TNKS: variants seen among roughly 807,000 people sequenced by gnomAD.
TNKS encodes tankyrase, also known as poly [ADP-ribose] polymerase tankyrase-1.
TNKS carries 72 observed loss-of-function variants against 135.8 expected under a neutral mutation model. That is an observed-to-expected ratio of 0.53 (90% CI 0.44 to 0.64). TNKS has a LOEUF of 0.64. Ranked by LOEUF, TNKS falls within the 30% of genes least tolerant of loss-of-function variation. The pLI, the probability that TNKS is intolerant of heterozygous loss-of-function variation, is 0.00. For synonymous variants in TNKS, 849 were observed against 649.3 expected (o/e 1.31, Z -4.68); for missense variants, 1,769 against 1,674.0 (o/e 1.06, Z -0.99).
intron 3 of TNKS, among the ~76,000 whole-genome samples, chr8:9,621,432 A>T (rs1349675208): frequency 3.3e-5 from 5 of 151,360 alleles, no homozygotes; most frequent in African/African-American, 9.7e-5. Flanking sequence ...TCAGTCTCCC[A>T]AGTAGCTGGG....
Position 9,671,505 on chromosome 8 carries a change from C to G in TNKS, c.995-8446C>G, listed in dbSNP as rs192760784. 1.2e-3 allele frequency among the ~76,000 whole-genome samples: 176 copies of G among 152,276 alleles called. 1 individual carries two copies. Among genetic ancestry groups the G allele is most frequent in the Admixed American group, 2.7e-3 (42 of 15,294 alleles). ...TATACTAAGTAAAAGATACTAGAAT[C>G]AGAAGTTTATATATTCTGTGATTCC... On this transcript the variant is annotated intron_variant, in intron 3 of 26. Coordinates refer to ENST00000310430, the MANE Select transcript of TNKS (RefSeq NM_003747.3).
At chr8:9,576,204 G>A (rs897562738) in intron 1 of TNKS, among the ~76,000 whole-genome samples, 1 of 152,066 alleles carries the variant, frequency 6.6e-6, no homozygotes, top group African/African-American at 2.4e-5. Context: ...CCCAATTCCC[G>A]AGCAAAATTG....
chr8:9,655,232 C>G (rs1801308799), intron 3 of TNKS, among the ~76,000 whole-genome samples: 1 of 152,222 alleles, frequency 6.6e-6, no homozygotes, highest in South Asian at 2.1e-4. Flanking sequence ...AGTAGGTAAA[C>G]AAAGCAGCCC....
At chr8:9,579,528 G>A (rs1455579067) in intron 1 of TNKS, among the ~76,000 whole-genome samples, 1 of 152,062 alleles carries the variant, frequency 6.6e-6, no homozygotes, top group African/African-American at 2.4e-5. Flanking sequence ...GAATGCAGTG[G>A]CGTGGTCTCG....
chr8:9,709,050 T>A (rs1178583641), intron 9 of TNKS, among the ~76,000 whole-genome samples: 1 of 152,180 alleles, frequency 6.6e-6, no homozygotes, highest in Non-Finnish European at 1.5e-5. Context: ...ATTGACACAT[T>A]AAGGCTCAGC....
At chr8:9,654,237 A>T (rs1457299023) in intron 3 of TNKS, among the ~76,000 whole-genome samples, 1 of 152,230 alleles carries the variant, frequency 6.6e-6, no homozygotes, top group Admixed American at 6.5e-5. Flanking sequence ...TACTTGAGAG[A>T]TCACTGGAAG....
intron 11 of TNKS, among the ~76,000 whole-genome samples, chr8:9,714,502 A>T (rs1258651293): frequency 6.6e-6 from 1 of 152,180 alleles, no homozygotes; most frequent in Non-Finnish European, 1.5e-5. Flanking sequence ...TATAAGACAC[A>T]TATCTAATCC....
intron 5 of TNKS, among the ~76,000 whole-genome samples, chr8:9,689,849 C>A (rs1046559712): frequency 2.6e-5 from 4 of 152,154 alleles, no homozygotes. Context: ...TGGACCGATT[C>A]CCTCCTATGT....
chr8:9,684,234 T>C (rs1297351061), intron 5 of TNKS, among the ~76,000 whole-genome samples: 1 of 152,028 alleles, frequency 6.6e-6, no homozygotes, highest in Non-Finnish European at 1.5e-5. Context: ...GATTTTTTGA[T>C]CTTTAATCTC....
chr8:9,561,160 G>A (rs559533742), intron 1 of TNKS, among the ~76,000 whole-genome samples: 26 of 152,210 alleles, frequency 1.7e-4, no homozygotes, highest in African/African-American at 5.5e-4. Flanking sequence ...TAAATAGTAG[G>A]CATCTGTGCA....
intron 5 of TNKS, among the ~76,000 whole-genome samples, chr8:9,696,303 T>C (rs1287738993): frequency 1.3e-5 from 2 of 150,382 alleles, no homozygotes; most frequent in African/African-American, 4.9e-5. Flanking sequence ...AAATAAGGAG[T>C]GTGGTGAACT....
chr8:9,726,541 C>A, intron 12 of TNKS, 100 bp from the exon 13 acceptor site: 1 of 800,718 alleles, frequency 1.2e-6, no homozygotes, highest in Non-Finnish European at 1.9e-6. Context: ...TCCTGAACTA[C>A]TTTGCAATCC....
intron 17 of TNKS, 22 bp from the exon 18 acceptor site, chr8:9,748,002 G>A: frequency 6.3e-7 from 1 of 1,590,614 alleles, no homozygotes; most frequent in African/African-American, 1.3e-5. Context: ...TTAACTCTTT[G>A]TATCCTTTTC....
In TNKS at chr8:9,687,891, C is replaced by G. The variant is rs565450664; in HGVS notation, c.1107+7091C>G. Among the ~76,000 whole-genome samples, 14 of 152,296 alleles carry G rather than the reference C, an allele frequency of 9.2e-5. No homozygotes were observed. In the South Asian group the frequency reaches 2.9e-3, roughly 32 times the overall value. On this transcript the variant is annotated intron_variant, in intron 5 of 26. Transcript: ENST00000310430. ...CATCTGTTTTTAAAATTGTTAGAATCGAAGTTTAAAGTGTTCTTTCTGCCT... is the reference window on the plus strand; with the variant it reads ...CATCTGTTTTTAAAATTGTTAGAATGGAAGTTTAAAGTGTTCTTTCTGCCT...
chr8:9,672,673 A>AAAACAC (rs1802335596), intron 3 of TNKS, among the ~76,000 whole-genome samples: 1 of 130,084 alleles, frequency 7.7e-6, no homozygotes, highest in Non-Finnish European at 1.6e-5. Context: ...AAAAAAAAAA[A>AAAACAC]AAACACATAC....
chr8:9,618,970 A>G (rs1239257308), intron 3 of TNKS, among the ~76,000 whole-genome samples: 1 of 152,232 alleles, frequency 6.6e-6, no homozygotes, highest in Non-Finnish European at 1.5e-5. Flanking sequence ...CTGAGTTTAT[A>G]ACAACTTCAC....
chr8:9,778,999 A>C lies in TNKS; in HGVS notation c.*2263A>C, dbSNP rs982195697. ...GAAGTTAAACTGTGGTTCAGTATTT[A>C]AACTGCCAGTGTTATACGTCTCATG... On this transcript the variant is annotated 3_prime_UTR_variant, in exon 27 of 27. Transcript: ENST00000310430. 1 of 152,220 alleles carries C rather than the reference A, an allele frequency of 6.6e-6. No individual in the cohort carries two copies. Among genetic ancestry groups the C allele is most frequent in the Non-Finnish European group, 1.5e-5 (1 of 68,042 alleles). The allele number at this position is 152,220 out of a possible 1,614,324, so 9.4% of individuals were successfully genotyped here.
chr8:9,572,199 A>T (rs1214483546), intron 1 of TNKS, among the ~76,000 whole-genome samples: 2 of 152,208 alleles, frequency 1.3e-5, no homozygotes, highest in Non-Finnish European at 2.9e-5. Context: ...ATCTGAGATT[A>T]ATTTGACTTT....
At chr8:9,706,552 G>A (rs572580094) in intron 7 of TNKS, among the ~76,000 whole-genome samples, 2 of 152,226 alleles carry the variant, frequency 1.3e-5, no homozygotes, top group South Asian at 2.1e-4. Flanking sequence ...TTGTAGAGAC[G>A]AGGTTTTGCC....
Sources: allele counts gnomAD v4.1 joint callset (sites outside exome capture counted in the v4.1 genomes callset), GRCh38; gene constraint gnomAD v4.1.1; transcripts MANE v1.5; gene names NCBI Gene and HGNC (gene_info 2026-07-23, HGNC 2026-07-21).